Variants in DENND1B observed in about 807,000 individuals in gnomAD.
The protein encoded by DENND1B is DENN domain containing 1B, also known as DENN domain-containing protein 1B.
Under a neutral mutation model 90.1 loss-of-function variants are expected in DENND1B, and 59 were observed. The ratio of observed to expected loss-of-function variants is 0.65; its 90% CI spans 0.53 to 0.81. The LOEUF is 0.81. Ranked by LOEUF, DENND1B falls within the 40% of genes least tolerant of loss-of-function variation. DENND1B has a pLI of 0.00. For synonymous variants in DENND1B, 337 were observed against 324.6 expected (o/e 1.04, Z -0.41); for missense variants, 862 against 912.6 (o/e 0.94, Z 0.71).
intron 20 of DENND1B, among the ~76,000 whole-genome samples, chr1:197,514,065 G>A (rs1017993573): frequency 6.6e-5 from 10 of 151,582 alleles, no homozygotes; most frequent in Admixed American, 4.6e-4. Flanking sequence ...GGTATGATTC[G>A]TCAAGCGATC....
At chr1:197,613,364 T>C (rs1435723448) in intron 11 of DENND1B, among the ~76,000 whole-genome samples, 3 of 150,944 alleles carry the variant, frequency 2.0e-5, no homozygotes, top group Admixed American at 1.3e-4. Context: ...TCATTACTTC[T>C]TATTGTACTA....
At chr1:197,562,454 C>A in intron 15 of DENND1B, among the ~76,000 whole-genome samples, 1 of 151,904 alleles carries the variant, frequency 6.6e-6, no homozygotes, top group South Asian at 2.1e-4. Context: ...TCATTATAAT[C>A]ATATTAGAAT....
intron 14 of DENND1B, 39 bp from the exon 15 acceptor site, chr1:197,583,292 G>C (rs754290653): frequency 6.3e-7 from 1 of 1,589,862 alleles, no homozygotes; most frequent in East Asian, 2.2e-5. Flanking sequence ...TCAATAAAAG[G>C]TTAGTCAGAG....
chr1:197,757,012 A>G (rs372324979), intron 2 of DENND1B, among the ~76,000 whole-genome samples: 1 of 150,940 alleles, frequency 6.6e-6, no homozygotes, highest in South Asian at 2.1e-4. Flanking sequence ...CACACTATAT[A>G]TATACACAGA....
chr1:197,647,792 T>C lies in DENND1B; in HGVS notation c.448-678A>G, dbSNP rs547692814. Among the ~76,000 whole-genome samples the C allele has an allele frequency of 4.0e-5, 6 of 151,882 alleles. No homozygotes were observed. In the South Asian group the frequency reaches 8.3e-4, roughly 21 times the overall value. On this transcript the variant is annotated intron_variant, in intron 7 of 22. Coordinates refer to ENST00000620048, the MANE Select transcript of DENND1B (RefSeq NM_001195215.2). Reference sequence around the variant, plus strand: ...GGTGAAACCCCATCTCTACTAAAAATACAAAATTAGCCCGGTTTGGTGGTG... The same window carrying C: ...GGTGAAACCCCATCTCTACTAAAAACACAAAATTAGCCCGGTTTGGTGGTG...
chr1:197,545,028 G>GAGGAGAAGA (rs1670690409), intron 18 of DENND1B, among the ~76,000 whole-genome samples: 2 of 109,154 alleles, frequency 1.8e-5, no homozygotes, highest in Non-Finnish European at 3.8e-5. Flanking sequence ...ACGAAAGAAG[G>GAGGAGAAGA]AGGAGAAGGA....
At chr1:197,653,709 A>G (rs1367965128) in intron 6 of DENND1B, among the ~76,000 whole-genome samples, 1 of 152,010 alleles carries the variant, frequency 6.6e-6, no homozygotes, top group Non-Finnish European at 1.5e-5. Flanking sequence ...ATTTTCTTTT[A>G]TGTATTCCAG....
chr1:197,685,834 A>G (rs1657179212), intron 3 of DENND1B: 1 of 152,072 alleles, frequency 6.6e-6, no homozygotes, highest in South Asian at 2.1e-4. Context: ...ATATTTTGCA[A>G]ACTTATACTA....
At chr1:197,754,499 T>C (rs1653993822) in intron 2 of DENND1B, among the ~76,000 whole-genome samples, 1 of 151,620 alleles carries the variant, frequency 6.6e-6, no homozygotes, top group South Asian at 2.1e-4. Flanking sequence ...CTGGGCAACA[T>C]GGTGAAAAAT....
chr1:197,576,089 A>G lies in DENND1B; in HGVS notation c.1149+7063T>C, dbSNP rs558221266. ...AGAACCTAAAGTATAATTTAAAAAG[A>G]AAACAGAAAAAGAAAAAGAAAAAAA... is the stretch of plus-strand genomic sequence containing the variant. On this transcript the variant is annotated intron_variant, in intron 15 of 22. Transcript: ENST00000620048. 2.6e-5 allele frequency among the ~76,000 whole-genome samples: 4 copies of G among 152,294 alleles called. No homozygotes were observed. In the East Asian group the frequency reaches 7.7e-4, roughly 29 times the overall value.
In DENND1B at chr1:197,772,885, T is replaced by C. The variant is rs930856878; in HGVS notation, c.65A>G (p.His22Arg). The change falls in exon 2 of 23, where the codon CAT becomes CGT. Residue 22 changes from histidine (H) to arginine (R), a missense_variant. Coordinates refer to ENST00000620048, the MANE Select transcript of DENND1B (RefSeq NM_001195215.2). ...TFDLVLKVKCHASENEDPVVL... is the reference protein window; with the variant it reads ...TFDLVLKVKCRASENEDPVVL... ...ACACATACCTTCATTTTCAGAGGCA[T>C]GACATTTCACTTTCAACACCAAGTC... is the stretch of plus-strand genomic sequence containing the variant. The C allele has an allele frequency of 6.4e-7, 1 of 1,551,868 alleles. No homozygotes were observed. Among genetic ancestry groups the C allele is most frequent in the Non-Finnish European group, 8.7e-7 (1 of 1,147,010 alleles).
intron 2 of DENND1B, among the ~76,000 whole-genome samples, chr1:197,751,744 T>G (rs1016537780): frequency 4.6e-5 from 7 of 151,564 alleles, no homozygotes; most frequent in Non-Finnish European, 8.8e-5. Flanking sequence ...CTCAGGAGGC[T>G]GAGGCAGGAG....
chr1:197,730,509 T>C (rs181132422), intron 2 of DENND1B, among the ~76,000 whole-genome samples: 54 of 152,216 alleles, frequency 3.5e-4, no homozygotes, highest in African/African-American at 1.3e-3. Context: ...ATTTCATGAA[T>C]ACCATGTGAG....
At chr1:197,647,842 G>A (rs1203520559) in intron 7 of DENND1B, among the ~76,000 whole-genome samples, 1 of 151,646 alleles carries the variant, frequency 6.6e-6, no homozygotes, top group East Asian at 1.9e-4. Context: ...CAGCTACTCA[G>A]GAGGCCAAGG....
intron 7 of DENND1B, among the ~76,000 whole-genome samples, chr1:197,647,837 AC>A (rs1680865988): frequency 6.6e-6 from 1 of 151,418 alleles, no homozygotes; most frequent in South Asian, 2.1e-4. Context: ...AATTCCAGCT[AC>A]TCAGGAGGCC....
chr1:197,685,054 G>A (rs1200477909), intron 3 of DENND1B, among the ~76,000 whole-genome samples: 1 of 152,090 alleles, frequency 6.6e-6, no homozygotes, highest in Non-Finnish European at 1.5e-5. Flanking sequence ...GGGGGCAGAG[G>A]TTGCAGTGAG....
At chr1:197,566,717 T>C (rs1672702559) in intron 15 of DENND1B, among the ~76,000 whole-genome samples, 1 of 151,908 alleles carries the variant, frequency 6.6e-6, no homozygotes, top group Non-Finnish European at 1.5e-5. Flanking sequence ...TTACAGAGTC[T>C]ACAACACAAG....
rs149426174 is a variant in DENND1B at position 197,547,656 on chromosome 1, A to T, written c.1241-883T>A. ...TAACTTGTGAAATAACTACAGCAAA[A>T]TGTAACTACCTAAAATAACCTTTGT... On this transcript the variant is annotated intron_variant, in intron 16 of 22. Transcript: ENST00000620048. 3.1e-3 allele frequency among the ~76,000 whole-genome samples: 476 copies of T among 152,358 alleles called. 3 individuals carry two copies. Among genetic ancestry groups the T allele is most frequent in the African/African-American group, 0.01 (421 of 41,588 alleles).
intron 7 of DENND1B, 81 bp from the exon 8 acceptor site, chr1:197,647,195 CA>C (rs1680798013): frequency 1.1e-6 from 1 of 931,976 alleles, no homozygotes; most frequent in Non-Finnish European, 1.5e-6. Flanking sequence ...GTAATTGAGA[CA>C]AACCCATGTA....
Sources: allele counts gnomAD v4.1 joint callset (sites outside exome capture counted in the v4.1 genomes callset), GRCh38; gene constraint gnomAD v4.1.1; transcripts MANE v1.5; gene names NCBI Gene and HGNC (gene_info 2026-07-23, HGNC 2026-07-21).